The following MARCHF1 variants were observed in gnomAD, a reference collection of about 807,000 sequenced individuals.
MARCHF1 encodes E3 ubiquitin-protein ligase MARCHF1.
A neutral mutation model predicts 54.2 loss-of-function variants in MARCHF1; 40 were observed. The observed-to-expected ratio is 0.74, with a 90% CI of 0.57 to 0.96. MARCHF1 has a LOEUF of 0.96. MARCHF1 is among the 40% of genes least tolerant of loss of function. The pLI is 0.00. For missense variants in MARCHF1, 586 were observed against 656.5 expected (o/e 0.89, Z 1.17); for synonymous variants, 236 against 236.3 (o/e 1.00, Z 0.01).
intron 2 of MARCHF1, among the ~76,000 whole-genome samples, chr4:164,068,580 G>A (rs1211859767): frequency 1.3e-5 from 2 of 152,178 alleles, no homozygotes; most frequent in Non-Finnish European, 2.9e-5. Flanking sequence ...CAGGCCTTAG[G>A]TGCCTCCCTG....
intron 2 of MARCHF1, among the ~76,000 whole-genome samples, chr4:164,038,586 G>A (rs1754060936): frequency 6.6e-6 from 1 of 152,328 alleles, no homozygotes; most frequent in East Asian, 1.9e-4. Flanking sequence ...GTAGGCTAGA[G>A]GTGTATATCC....
chr4:163,625,228 C>A (rs1017012671), intron 5 of MARCHF1, among the ~76,000 whole-genome samples: 19 of 152,308 alleles, frequency 1.2e-4, no homozygotes, highest in African/African-American at 4.6e-4. Context: ...TATGTACACC[C>A]ATTTTTCTTT....
intron 3 of MARCHF1, among the ~76,000 whole-genome samples, chr4:163,883,190 A>T (rs11100525): frequency 0.57 from 86,635 of 151,372 alleles, 25,187 homozygotes; most frequent in African/African-American, 0.65. Flanking sequence ...CTAATACAAC[A>T]AATAATAATT....
At chr4:164,379,290 G>GAAGA (rs1731295288) in intron 1 of MARCHF1, among the ~76,000 whole-genome samples, 1 of 151,954 alleles carries the variant, frequency 6.6e-6, no homozygotes, top group African/African-American at 2.4e-5. Context: ...TTAGTAAACT[G>GAAGA]AAGAGAAGGT....
At chr4:163,595,617 T>C (rs1436967743) in intron 7 of MARCHF1, among the ~76,000 whole-genome samples, 1 of 152,140 alleles carries the variant, frequency 6.6e-6, no homozygotes, top group Non-Finnish European at 1.5e-5. Context: ...TTGATGAAAT[T>C]TGAGGAAATT....
chr4:163,728,216 C>G (rs1204526825), intron 4 of MARCHF1, among the ~76,000 whole-genome samples: 1 of 152,126 alleles, frequency 6.6e-6, no homozygotes, highest in African/African-American at 2.4e-5. Context: ...TTTATCACCC[C>G]CTTTTTTTAT....
At chr4:164,327,273 C>T (rs1479039214) in intron 1 of MARCHF1, among the ~76,000 whole-genome samples, 3 of 152,076 alleles carry the variant, frequency 2.0e-5, no homozygotes, top group East Asian at 1.9e-4. Context: ...GTAGGAGCAT[C>T]GCTCAATGAA....
chr4:164,268,448 T>C (rs1469673307), intron 1 of MARCHF1, among the ~76,000 whole-genome samples: 5 of 152,152 alleles, frequency 3.3e-5, no homozygotes, highest in Non-Finnish European at 5.9e-5. Flanking sequence ...TGTGATGGCT[T>C]GCAGAATTCT....
intron 2 of MARCHF1, among the ~76,000 whole-genome samples, chr4:164,068,006 A>C (rs991380480): frequency 3.9e-5 from 6 of 152,232 alleles, no homozygotes; most frequent in African/African-American, 1.2e-4. Flanking sequence ...ACATGCAAAT[A>C]AAACCACAAT....
At chr4:163,894,120 C>A (rs1026877361) in intron 3 of MARCHF1, among the ~76,000 whole-genome samples, 3 of 152,042 alleles carry the variant, frequency 2.0e-5, no homozygotes, top group Non-Finnish European at 2.9e-5. Flanking sequence ...GCCATTGAAG[C>A]CTTAGGGACA....
At chr4:163,620,375 T>C (rs115910142) in intron 5 of MARCHF1, among the ~76,000 whole-genome samples, 1,833 of 152,182 alleles carry the variant, frequency 0.012, 33 homozygotes, top group African/African-American at 0.043. Flanking sequence ...AATAAAAAAA[T>C]GTATACCATT....
intron 1 of MARCHF1, among the ~76,000 whole-genome samples, chr4:164,221,688 T>G (rs1732117364): frequency 6.6e-6 from 1 of 152,012 alleles, no homozygotes; most frequent in Non-Finnish European, 1.5e-5. Flanking sequence ...ACCATCAATA[T>G]TTTGATGATT....
At chr4:163,705,983 A>T (rs1181075069) in intron 4 of MARCHF1, among the ~76,000 whole-genome samples, 1 of 152,078 alleles carries the variant, frequency 6.6e-6, no homozygotes, top group Non-Finnish European at 1.5e-5. Context: ...TAGATACATG[A>T]CAATTAGATA....
intron 7 of MARCHF1, among the ~76,000 whole-genome samples, chr4:163,611,606 A>G (rs1211925689): frequency 1.3e-5 from 2 of 152,088 alleles, no homozygotes; most frequent in African/African-American, 4.8e-5. Context: ...ATGTAAGGTT[A>G]TTTTGAAAAT....
intron 1 of MARCHF1, among the ~76,000 whole-genome samples, chr4:164,156,430 T>C (rs1024511237): frequency 1.3e-5 from 2 of 151,716 alleles, no homozygotes; most frequent in Non-Finnish European, 2.9e-5. Context: ...GTTTTTTTAA[T>C]TTTTATTTTT....
At chr4:163,754,207 GC>G in intron 4 of MARCHF1, among the ~76,000 whole-genome samples, 1 of 152,184 alleles carries the variant, frequency 6.6e-6, no homozygotes, top group Non-Finnish European at 1.5e-5. Context: ...CTTGGTTCAA[GC>G]CGAGCAAGAA....
At chr4:163,661,619 T>C (rs903795383) in intron 5 of MARCHF1, among the ~76,000 whole-genome samples, 14 of 152,090 alleles carry the variant, frequency 9.2e-5, no homozygotes, top group African/African-American at 3.4e-4. Flanking sequence ...GCTTTATTGA[T>C]GTATAATTGA....
intron 1 of MARCHF1, among the ~76,000 whole-genome samples, chr4:164,156,881 A>AT (rs1560931612): frequency 6.6e-6 from 1 of 150,780 alleles, no homozygotes; most frequent in African/African-American, 2.5e-5. Context: ...CATGCTTCTC[A>AT]TTTGATCTTC....
intron 1 of MARCHF1, among the ~76,000 whole-genome samples, chr4:164,175,205 A>G (rs1280155212): frequency 6.6e-6 from 1 of 152,218 alleles, no homozygotes; most frequent in Non-Finnish European, 1.5e-5. Flanking sequence ...ATGGCTAGTA[A>G]TTAATTCACT....
Sources: gnomAD v4.1 joint callset for allele counts (sites outside exome capture counted in the v4.1 genomes callset) on GRCh38, gnomAD v4.1.1 for gene constraint, MANE v1.5 for transcripts, NCBI Gene and HGNC (gene_info 2026-07-23, HGNC 2026-07-21) for gene names.